CASK: variants seen among roughly 807,000 people sequenced by gnomAD.
CASK encodes the protein peripheral plasma membrane protein CASK.
CASK carries 4 observed loss-of-function variants against 82.9 expected under a neutral mutation model. The ratio of observed to expected loss-of-function variants is 0.05; its 90% CI spans 0.02 to 0.11. The LOEUF (loss-of-function observed/expected upper bound fraction) is 0.11. CASK is among the 10% of genes least tolerant of loss of function. The pLI is 1.00. For synonymous variants in CASK, 259 were observed against 253.5 expected, an observed-to-expected ratio of 1.02 and a Z score of -0.20; for missense variants, 358 against 720.9, an observed-to-expected ratio of 0.50 and a Z score of 5.76.
intron 5 of CASK, among the ~76,000 whole-genome samples, chrX:41,684,581 C>G (rs1258371384): frequency 9.0e-6 from 1 of 111,655 alleles, no homozygotes; most frequent in East Asian, 2.8e-4. Flanking sequence ...ACTGCAACCT[C>G]CACCTCCCGA....
intron 1 of CASK, among the ~76,000 whole-genome samples, chrX:41,863,237 G>C (rs2071526811): frequency 8.9e-6 from 1 of 112,166 alleles, no homozygotes; most frequent in Admixed American, 9.4e-5. Flanking sequence ...GTGGATGTTA[G>C]AGCTAGGACT....
intron 16 of CASK, among the ~76,000 whole-genome samples, chrX:41,565,368 A>G (rs1195352510): frequency 1.8e-5 from 2 of 111,861 alleles, no homozygotes; most frequent in Non-Finnish European, 3.8e-5. Flanking sequence ...AAGAGAGAAG[A>G]ATCAAATAGA....
chrX:41,755,567 G>A (rs1215412139), intron 3 of CASK, among the ~76,000 whole-genome samples: 1 of 111,939 alleles, frequency 8.9e-6, no homozygotes, highest in Non-Finnish European at 1.9e-5. Flanking sequence ...TCTTAGATCA[G>A]GAACAAGCCA....
intron 2 of CASK, among the ~76,000 whole-genome samples, chrX:41,849,377 A>G (rs1422609458): frequency 1.8e-5 from 2 of 111,785 alleles, no homozygotes; most frequent in Admixed American, 1.9e-4. Context: ...TATATTAATT[A>G]AAAGTTCAAG....
chrX:41,697,024 T>C, intron 5 of CASK: 1 of 266,457 alleles, frequency 3.8e-6, no homozygotes, highest in South Asian at 2.2e-4. Flanking sequence ...TTAAGTGAAA[T>C]TTATGGCTCT....
At chrX:41,737,128 T>C (rs1307477613) in intron 5 of CASK, among the ~76,000 whole-genome samples, 1 of 112,123 alleles carries the variant, frequency 8.9e-6, no homozygotes, top group African/African-American at 3.2e-5. Flanking sequence ...CTTCCATTTT[T>C]GCTCTTTTGG....
chrX:41,633,265 T>C (rs1343121383), intron 9 of CASK, among the ~76,000 whole-genome samples: 1 of 111,067 alleles, frequency 9.0e-6, no homozygotes, highest in East Asian at 2.8e-4. Context: ...TGTGGGGAAT[T>C]TGCTTTCTAG....
chrX:41,795,190 G>A (rs1482941897), intron 2 of CASK, among the ~76,000 whole-genome samples: 2 of 112,089 alleles, frequency 1.8e-5, no homozygotes, highest in Admixed American at 1.9e-4. Context: ...CAAATTTATC[G>A]TAAAGAAATA....
At position 41,719,397 on chromosome X, in the gene CASK, C is replaced by T. The variant is rs756239428; in HGVS notation, c.429+19987G>A. ...CTGGGGAGTTGGTTCACTGGATGCA[C>T]AAGGAAATGCAAACTAATAAGAAAA... is the stretch of plus-strand genomic sequence containing the variant. On this transcript the variant is annotated intron_variant, in intron 5 of 26. Coordinates refer to ENST00000378163, the MANE Select transcript of CASK (RefSeq NM_001367721.1). Among the ~76,000 whole-genome samples, 9 of 111,811 alleles carry T rather than the reference C, an allele frequency of 8.0e-5. No homozygotes were observed. The East Asian group carries it at 2.2e-3, about 28-fold the overall frequency.
intron 8 of CASK, among the ~76,000 whole-genome samples, chrX:41,645,778 C>T (rs1374728312): frequency 2.8e-5 from 3 of 106,971 alleles, no homozygotes; most frequent in African/African-American, 3.3e-5. Flanking sequence ...CTCGCTTACA[C>T]TAGGTTTTAT....
chrX:41,613,306 G>A (rs1296201034), intron 11 of CASK, among the ~76,000 whole-genome samples: 1 of 104,834 alleles, frequency 9.5e-6, no homozygotes, highest in Non-Finnish European at 2.0e-5. Context: ...CTTCTGCCTT[G>A]GGATCCTCTT....
At chrX:41,528,366 A>T (rs1418211184) in intron 25 of CASK, among the ~76,000 whole-genome samples, 1 of 112,674 alleles carries the variant, frequency 8.9e-6, no homozygotes, top group Admixed American at 9.4e-5. Context: ...GTTGGACCAC[A>T]ACATCTTATC....
chrX:41,877,217 T>C (rs747225484), intron 1 of CASK, among the ~76,000 whole-genome samples: 6 of 111,863 alleles, frequency 5.4e-5, no homozygotes, highest in South Asian at 3.7e-4. Context: ...ACTTCCCTGA[T>C]TGGAGATTGG....
chrX:41,528,014 G>C (rs1223517901), intron 25 of CASK, among the ~76,000 whole-genome samples: 2 of 112,491 alleles, frequency 1.8e-5, no homozygotes, highest in Non-Finnish European at 3.8e-5. Flanking sequence ...CCATCTTAAG[G>C]ATTCCCAGGG....
At chrX:41,770,341 C>CT (rs1569441865) in intron 3 of CASK, among the ~76,000 whole-genome samples, 1 of 109,012 alleles carries the variant, frequency 9.2e-6, no homozygotes. Flanking sequence ...TCCATCCATC[C>CT]ATCCATCCAT....
At chrX:41,856,795 C>CAA (rs575324555) in intron 1 of CASK, among the ~76,000 whole-genome samples, 546 of 42,023 alleles carry the variant, frequency 0.013, 10 homozygotes, top group African/African-American at 0.049. Flanking sequence ...GACTCCGTCT[C>CAA]AAAAAAAAAA....
intron 3 of CASK, among the ~76,000 whole-genome samples, chrX:41,754,971 C>A (rs1023573274): frequency 9.3e-6 from 1 of 107,082 alleles, no homozygotes; most frequent in African/African-American, 3.4e-5. Flanking sequence ...CTCCACCTCC[C>A]GCGTTCAAGA....
intron 12 of CASK, among the ~76,000 whole-genome samples, chrX:41,608,735 T>G (rs947134794): frequency 3.6e-5 from 4 of 112,272 alleles, no homozygotes; most frequent in African/African-American, 1.3e-4. Context: ...TATTTAAAGA[T>G]GGAGTATATG....
At chrX:41,861,364 C>A (rs2071473271) in intron 1 of CASK, among the ~76,000 whole-genome samples, 1 of 109,790 alleles carries the variant, frequency 9.1e-6, no homozygotes, top group Non-Finnish European at 1.9e-5. Context: ...ATATCAAGAA[C>A]TATTAATAGA....
Sources: allele counts gnomAD v4.1 joint callset (sites outside exome capture counted in the v4.1 genomes callset), GRCh38; gene constraint gnomAD v4.1.1; transcripts MANE v1.5; gene names NCBI Gene and HGNC (gene_info 2026-07-23, HGNC 2026-07-21).